Variants in GLRX3 observed in about 807,000 individuals in gnomAD.
The protein encoded by GLRX3 is glutaredoxin-3.
Under a neutral mutation model 49.5 loss-of-function variants are expected in GLRX3, and 22 were observed. That is an observed-to-expected ratio of 0.44 (90% confidence interval 0.32 to 0.63). The LOEUF (loss-of-function observed/expected upper bound fraction) is 0.63. Among genes scored for constraint, GLRX3 ranks in the 30% least tolerant of loss-of-function variants. The pLI is 0.05. For synonymous variants in GLRX3, 133 were observed against 140.0 expected, an observed-to-expected ratio of 0.95 and a Z score of 0.35; for missense variants, 385 against 396.3, an observed-to-expected ratio of 0.97 and a Z score of 0.24.
chr10:130,143,137 G>T (rs1862206154), intron 1 of GLRX3, among the ~76,000 whole-genome samples: 1 of 152,162 alleles, frequency 6.6e-6, no homozygotes, highest in South Asian at 2.1e-4. Context: ...CCAGAACTTG[G>T]AGCCAGCTGT....
intron 4 of GLRX3, among the ~76,000 whole-genome samples, chr10:130,163,088 G>T (rs150298705): frequency 3.1e-4 from 47 of 152,202 alleles, no homozygotes; most frequent in African/African-American, 9.6e-4. Context: ...AATGGAGTGA[G>T]ATTTGGAAGA....
chr10:130,153,576 T>G (rs1464605556), intron 2 of GLRX3, among the ~76,000 whole-genome samples: 3 of 152,154 alleles, frequency 2.0e-5, no homozygotes, highest in African/African-American at 7.2e-5. Context: ...TCTGTTGGAG[T>G]TTGCTGGAGG....
In GLRX3 at chr10:130,145,468, G is replaced by T. The variant is rs185224991; in HGVS notation, c.201+149G>T. ...ACCTGAGTTCAGTAGTTTGAGACCA[G>T]CCCAGCCAACATAGTGAAACCCTGT... is the stretch of plus-strand genomic sequence containing the variant. On this transcript the variant is annotated intron_variant, in intron 2 of 10. Transcript: ENST00000331244. 220 of 479,542 alleles carry T rather than the reference G, an allele frequency of 4.6e-4. 1 individual carries two copies. Among genetic ancestry groups the T allele is most frequent in the African/African-American group, 4.1e-3 (209 of 51,150 alleles). 29.7% of individuals were successfully genotyped at this position (479,542 alleles called of 1,614,324 possible).
At chr10:130,156,629 C>T (rs1862475868) in intron 2 of GLRX3, among the ~76,000 whole-genome samples, 1 of 152,162 alleles carries the variant, frequency 6.6e-6, no homozygotes, top group Non-Finnish European at 1.5e-5. Context: ...TAGTATCTGG[C>T]CCAGAATAAA....
chr10:130,166,278 C>G (rs1862684676), intron 4 of GLRX3, among the ~76,000 whole-genome samples: 1 of 148,994 alleles, frequency 6.7e-6, no homozygotes, highest in Admixed American at 6.7e-5. Context: ...ACAGTTGTGT[C>G]AAAAAGTTAA....
chr10:130,148,059 C>G (rs1460712235), intron 2 of GLRX3, among the ~76,000 whole-genome samples: 1 of 152,108 alleles, frequency 6.6e-6, no homozygotes, highest in Non-Finnish European at 1.5e-5. Context: ...AAACAGCTTT[C>G]TTTTTGTTAA....
rs571088214 is a variant in GLRX3, at chr10:130,174,062, G to A, written c.825-805G>A. Reference sequence around the variant, plus strand: ...GACCACCTAACGGTGAAATCGCTCTGAGTGGATACAGTTGGATATTCATGC... The same window carrying A: ...GACCACCTAACGGTGAAATCGCTCTAAGTGGATACAGTTGGATATTCATGC... On this transcript the variant is annotated intron_variant, in intron 8 of 10. Transcript: ENST00000331244. 1.8e-4 allele frequency among the ~76,000 whole-genome samples: 28 copies of A among 152,340 alleles called. No homozygotes were observed. The South Asian group carries it at 2.1e-3, about 11-fold the overall frequency.
chr10:130,136,992 G>C (rs1370272026), intron 1 of GLRX3, among the ~76,000 whole-genome samples: 5 of 152,262 alleles, frequency 3.3e-5, no homozygotes, highest in Non-Finnish European at 7.3e-5. Flanking sequence ...GCTCGGCGTC[G>C]GCCCATTGCT....
At chr10:130,140,246 G>A (rs527988505) in intron 1 of GLRX3, among the ~76,000 whole-genome samples, 1 of 152,344 alleles carries the variant, frequency 6.6e-6, no homozygotes, top group East Asian at 1.9e-4. Flanking sequence ...AAGAGCTGAA[G>A]TTTATTACAT....
chr10:130,149,884 A>G (rs1564989740), intron 2 of GLRX3, among the ~76,000 whole-genome samples: 1 of 146,782 alleles, frequency 6.8e-6, no homozygotes, highest in Non-Finnish European at 1.5e-5. Flanking sequence ...CCTTGACTAG[A>G]TGGTGAGATA....
intron 2 of GLRX3, among the ~76,000 whole-genome samples, chr10:130,149,758 T>C (rs1382392064): frequency 1.3e-5 from 2 of 149,452 alleles, no homozygotes; most frequent in East Asian, 3.9e-4. Context: ...TATGAAATCG[T>C]AGCTATTTTT....
At chr10:130,152,216 A>C (rs1862391198) in intron 2 of GLRX3, among the ~76,000 whole-genome samples, 1 of 152,030 alleles carries the variant, frequency 6.6e-6, no homozygotes, top group African/African-American at 2.4e-5. Flanking sequence ...ACAGGGTTTC[A>C]CCGTGTTGGC....
At chr10:130,171,390 G>A (rs556295364) in intron 7 of GLRX3, among the ~76,000 whole-genome samples, 194 bp from the exon 8 acceptor site, 1 of 152,048 alleles carries the variant, frequency 6.6e-6, no homozygotes, top group Non-Finnish European at 1.5e-5. Flanking sequence ...GAAGTCTGTG[G>A]GTCACGTGTG....
At chr10:130,154,898 A>G (rs1862445069) in intron 2 of GLRX3, among the ~76,000 whole-genome samples, 2 of 152,202 alleles carry the variant, frequency 1.3e-5, no homozygotes, top group Non-Finnish European at 2.9e-5. Flanking sequence ...GAAATAGGCT[A>G]TGAAAATGGG....
chr10:130,150,573 A>G (rs1281455155), intron 2 of GLRX3, among the ~76,000 whole-genome samples: 1 of 152,214 alleles, frequency 6.6e-6, no homozygotes, highest in Non-Finnish European at 1.5e-5. Flanking sequence ...ATTTAAATGT[A>G]TTTTTGCTTC....
At chr10:130,149,449 A>AAC (rs1554955568) in intron 2 of GLRX3, among the ~76,000 whole-genome samples, 16 of 152,038 alleles carry the variant, frequency 1.1e-4, no homozygotes, top group East Asian at 3.8e-4. Flanking sequence ...CTCAAAAAAA[A>AAC]AAAACAAAAC....
At chr10:130,148,245 ACCTTAGCCTC>A (rs1340773479) in intron 2 of GLRX3, among the ~76,000 whole-genome samples, 1 of 151,446 alleles carries the variant, frequency 6.6e-6, no homozygotes, top group African/African-American at 2.4e-5. Context: ...CAATTTCTCC[ACCTTAGCCTC>A]CCGAATAGCT....
intron 4 of GLRX3, among the ~76,000 whole-genome samples, chr10:130,161,348 C>T (rs1862573061): frequency 6.6e-6 from 1 of 152,262 alleles, no homozygotes; most frequent in South Asian, 2.1e-4. Context: ...TCTCTTTTGC[C>T]TGTTTATCTA....
intron 2 of GLRX3, among the ~76,000 whole-genome samples, chr10:130,157,175 C>T (rs932970148): frequency 1.3e-5 from 2 of 152,084 alleles, no homozygotes; most frequent in South Asian, 2.1e-4. Context: ...CTGCCCTCCA[C>T]ATGCTGGAGA....
Sources: gnomAD v4.1 joint callset for allele counts (sites outside exome capture counted in the v4.1 genomes callset) on GRCh38, gnomAD v4.1.1 for gene constraint, MANE v1.5 for transcripts, NCBI Gene and HGNC (gene_info 2026-07-23, HGNC 2026-07-21) for gene names.